CHID1: variants seen among roughly 807,000 people sequenced by gnomAD.
CHID1 encodes chitinase domain-containing protein 1.
In CHID1, 44 loss-of-function variants were observed where a neutral mutation model predicts 55.4. The observed-to-expected ratio is 0.79, with a 90% CI of 0.62 to 1.02. CHID1 has a LOEUF of 1.02. Among genes scored for constraint, CHID1 ranks in the 50% least tolerant of loss-of-function variants. CHID1 has a pLI of 0.00. For synonymous variants in CHID1, 216 were observed against 212.9 expected, an observed-to-expected ratio of 1.01 and a Z score of -0.13; for missense variants, 491 against 515.3, an observed-to-expected ratio of 0.95 and a Z score of 0.46.
chr11:885,000 G>C (rs1850285423), intron 8 of CHID1, among the ~76,000 whole-genome samples: 1 of 152,250 alleles, frequency 6.6e-6, no homozygotes, highest in South Asian at 2.1e-4. Context: ...ATAAGCCAAG[G>C]GGAGACAGGA....
At chr11:892,393 C>T (rs1004622808) in intron 8 of CHID1, among the ~76,000 whole-genome samples, 1 of 152,242 alleles carries the variant, frequency 6.6e-6, no homozygotes, top group African/African-American at 2.4e-5. Flanking sequence ...GGACCCCCAA[C>T]GCCTGGTCAC....
At chr11:887,768 G>A (rs572488021) in intron 8 of CHID1, among the ~76,000 whole-genome samples, 105 of 152,172 alleles carry the variant, frequency 6.9e-4, no homozygotes, top group African/African-American at 2.4e-3. Flanking sequence ...AGCCGGGCTC[G>A]TGTGCCTCCC....
At chr11:871,648 C>CA (rs1479391308) in intron 10 of CHID1, among the ~76,000 whole-genome samples, 1 of 152,214 alleles carries the variant, frequency 6.6e-6, no homozygotes, top group Non-Finnish European at 1.5e-5. Context: ...GCTGCAGCCT[C>CA]AGGGAGGAGG....
intron 1 of CHID1, among the ~76,000 whole-genome samples, chr11:910,161 C>A (rs2134391661): frequency 6.6e-6 from 1 of 151,872 alleles, no homozygotes; most frequent in East Asian, 2.0e-4. Flanking sequence ...TCGAGGCGGA[C>A]GGGCGGGCGG....
In CHID1 at chr11:910,778, C is replaced by T. The variant is rs886692095; in HGVS notation, c.-47G>A. On this transcript the variant is annotated 5_prime_UTR_variant, in exon 1 of 13. It removes an upstream start codon present in the reference 5' UTR. Transcript: ENST00000323578. ...GGCCGGCCGCCGCGGGGCTCACCTG[C>T]ATGTCAGGGAGGCCGGACGGCCACA... 2.6e-6 allele frequency: 3 copies of T among 1,136,908 alleles called. No homozygotes were observed. Among genetic ancestry groups the T allele is most frequent in the Non-Finnish European group, 3.3e-6 (3 of 917,426 alleles). 70.4% of individuals were successfully genotyped at this position (1,136,908 alleles called of 1,614,324 possible). A position where few individuals can be genotyped will look rare whatever the true frequency, so the allele number is the denominator to read the frequency against.
chr11:913,541 G>A (rs1565214678), upstream of CHID1, among the ~76,000 whole-genome samples: 1 of 152,180 alleles, frequency 6.6e-6, no homozygotes, highest in Non-Finnish European at 1.5e-5. Context: ...GGGAGGCCGA[G>A]GTGGACGGAT....
rs1013981072 is a variant in CHID1, at chr11:898,144, C to T, written c.608+1196G>A. ...CCTGGGCAGGAATCCTGCCCTACCC[C>T]TCATGGGCTCTGCCTCAACAATGTC... On this transcript the variant is annotated intron_variant, in intron 7 of 12. Transcript: ENST00000323578. 3.3e-5 allele frequency among the ~76,000 whole-genome samples: 5 copies of T among 152,234 alleles called. No homozygotes were observed. The East Asian group carries it at 5.8e-4, about 18-fold the overall frequency.
chr11:904,696 C>T lies in CHID1; in HGVS notation c.111+10G>A, dbSNP rs753198529. On this transcript the variant is annotated intron_variant, in intron 2 of 12. Coordinates refer to ENST00000323578, the MANE Select transcript of CHID1 (RefSeq NM_023947.4). Reference sequence around the variant, plus strand: ...AGTACAGTCACCTCAAGTCCCCAGGCCACCCTTACCTTCTCCAGCAGCGTC... The same window carrying T: ...AGTACAGTCACCTCAAGTCCCCAGGTCACCCTTACCTTCTCCAGCAGCGTC... The T allele has an allele frequency of 1.2e-5, 19 of 1,614,048 alleles. No homozygotes were observed. Among genetic ancestry groups the T allele is most frequent in the South Asian group, 1.1e-4 (10 of 91,086 alleles).
chr11:899,543 C>T (rs1469900529), intron 6 of CHID1, 142 bp from the exon 7 acceptor site: 11 of 708,916 alleles, frequency 1.6e-5, no homozygotes, highest in Non-Finnish European at 2.7e-5. Flanking sequence ...GGGCTGTATG[C>T]CCAGAAGGGC....
At chr11:896,012 G>GCCTCCTGC (rs1460624930) in intron 7 of CHID1, among the ~76,000 whole-genome samples, 1 of 151,850 alleles carries the variant, frequency 6.6e-6, no homozygotes, top group Non-Finnish European at 1.5e-5. Context: ...TCCCCCTACT[G>GCCTCCTGC]CCTCCTGCCC....
At chr11:912,688 C>T (rs1288704948), upstream of CHID1, among the ~76,000 whole-genome samples, 3 of 151,906 alleles carry the variant, frequency 2.0e-5, no homozygotes, top group South Asian at 4.2e-4. Flanking sequence ...ACTAAAAATA[C>T]GAAAAATTAG....
Position 869,490 on chromosome 11 carries a change from T to G in CHID1, c.*368A>C. 2 of 303,110 alleles carry G rather than the reference T, an allele frequency of 6.6e-6. No individual in the cohort carries two copies. Among genetic ancestry groups the G allele is most frequent in the East Asian group, 7.0e-5 (1 of 14,322 alleles). 18.8% of individuals were successfully genotyped at this position (303,110 alleles called of 1,614,324 possible). A position where few individuals can be genotyped will look rare whatever the true frequency, so the allele number is the denominator to read the frequency against. ...GCCCTCGAATCCAGGAGTGGGCGAG[T>G]CCGGGATGGTTCCAGAGCTTCCAAA... On this transcript the variant is annotated 3_prime_UTR_variant, in exon 13 of 13. Coordinates refer to ENST00000323578, the MANE Select transcript of CHID1 (RefSeq NM_023947.4).
chr11:895,036 A>G (rs932078587), intron 7 of CHID1, among the ~76,000 whole-genome samples: 2 of 152,012 alleles, frequency 1.3e-5, no homozygotes, highest in Non-Finnish European at 2.9e-5. Context: ...TGTGTCCACA[A>G]CTCTATGGGT....
intron 10 of CHID1, among the ~76,000 whole-genome samples, chr11:871,050 G>A (rs1251474628): frequency 6.9e-6 from 1 of 145,980 alleles, no homozygotes; most frequent in Non-Finnish European, 1.5e-5. Context: ...GTGTACAGTC[G>A]TGCGATCTTG....
At chr11:909,194 G>A (rs1456514905) in intron 1 of CHID1, among the ~76,000 whole-genome samples, 9 of 152,154 alleles carry the variant, frequency 5.9e-5, no homozygotes, top group Non-Finnish European at 8.8e-5. Flanking sequence ...CTCACCGGCC[G>A]CTCGGCTCTG....
At position 869,448 on chromosome 11, in the gene CHID1, G is replaced by A. The variant is rs919292551; in HGVS notation, c.*410C>T. The A allele has an allele frequency of 2.4e-5, 6 of 245,092 alleles. No individual in the cohort carries two copies. The highest frequency in any genetic ancestry group is 4.8e-5 in the Non-Finnish European group (6 of 124,624). 15.2% of individuals were successfully genotyped at this position (245,092 alleles called of 1,614,324 possible). ...CCAGGCCCTGGGGTGATGCTGGGCA[G>A]AGCTGTCCCTGCGAGGGCCCTCGAA... On this transcript the variant is annotated 3_prime_UTR_variant, in exon 13 of 13. Transcript: ENST00000323578.
chr11:868,723 A>AC lies in CHID1; in HGVS notation c.*1134dup, dbSNP rs2134090330. The stretch of plus-strand genomic sequence containing the variant: ...CTCACCACCGGCTGGAGATGTCCTG[A>AC]CCCCCTGCCCACTGCGCCCTAACAT... On this transcript the variant is annotated 3_prime_UTR_variant, in exon 13 of 13. Transcript: ENST00000323578. 6.6e-6 allele frequency: 1 copy of AC among 151,062 alleles called. No homozygotes were observed. The highest frequency in any genetic ancestry group is 6.6e-5 in the Admixed American group (1 of 15,134). The allele number at this position is 151,062 out of a possible 1,614,324, so 9.4% of individuals were successfully genotyped here.
At chr11:889,391 G>C (rs987559805) in intron 8 of CHID1, among the ~76,000 whole-genome samples, 3 of 152,084 alleles carry the variant, frequency 2.0e-5, no homozygotes, top group African/African-American at 7.2e-5. Flanking sequence ...CACTGTAGTT[G>C]ACGCCAGGCA....
At chr11:879,304 G>A (rs1039050615) in intron 10 of CHID1, among the ~76,000 whole-genome samples, 1 of 152,072 alleles carries the variant, frequency 6.6e-6, no homozygotes, top group South Asian at 2.1e-4. Context: ...TGAACTCCTG[G>A]GCTCCAGTGA....
Sources: gnomAD v4.1 joint callset for allele counts (sites outside exome capture counted in the v4.1 genomes callset) on GRCh38, gnomAD v4.1.1 for gene constraint, MANE v1.5 for transcripts, NCBI Gene and HGNC (gene_info 2026-07-23, HGNC 2026-07-21) for gene names.